HINT3: variants seen among roughly 807,000 people sequenced by gnomAD.
HINT3 encodes adenosine 5'-monophosphoramidase HINT3.
In HINT3, 16 loss-of-function variants were observed where a neutral mutation model predicts 19.1. The ratio of observed to expected loss-of-function variants is 0.84; its 90% CI spans 0.57 to 1.27. HINT3 has a LOEUF of 1.27. HINT3 is among the 50% of genes most tolerant of loss of function. The pLI, the probability that HINT3 is intolerant of heterozygous loss-of-function variation, is 0.00. For missense variants in HINT3, 197 were observed against 225.8 expected (o/e 0.87, Z 0.82); for synonymous variants, 75 against 84.8 (o/e 0.88, Z 0.63).
intron 1 of HINT3, among the ~76,000 whole-genome samples, chr6:125,959,881 G>A (rs140587317): frequency 1.1e-4 from 16 of 152,294 alleles, no homozygotes; most frequent in African/African-American, 3.1e-4. Context: ...GGATACAGCC[G>A]TAAACAAAAC....
intron 1 of HINT3, among the ~76,000 whole-genome samples, chr6:125,962,265 TATATACATAC>T (rs765895247): frequency 0.23 from 10,696 of 46,468 alleles, 1,955 homozygotes; most frequent in East Asian, 0.54. Flanking sequence ...CATATATATA[TATATACATAC>T]ATATATATAT....
At chr6:125,973,468 A>T (rs1310289555) in intron 3 of HINT3, among the ~76,000 whole-genome samples, 1 of 152,088 alleles carries the variant, frequency 6.6e-6, no homozygotes, top group Non-Finnish European at 1.5e-5. Flanking sequence ...TATAATGGAG[A>T]TTACTTCTAA....
In HINT3 at chr6:125,956,895, C is replaced by T. The variant is rs777616463; in HGVS notation, c.-83C>T. 2.2e-6 allele frequency: 3 copies of T among 1,378,060 alleles called. No individual in the cohort carries two copies. In the Middle Eastern group the frequency reaches 6.3e-4, roughly 288 times the overall value. 85.4% of individuals were successfully genotyped at this position (1,378,060 alleles called of 1,614,324 possible). On this transcript the variant is annotated 5_prime_UTR_variant, in exon 1 of 5. It adds an upstream start codon to the 5' untranslated region. Transcript: ENST00000229633. The stretch of plus-strand genomic sequence containing the variant: ...CGAGGGGCGACGTCTCGAGGTAAAA[C>T]GGAGGAGGTGCGGGACGCGGAGACT...
At chr6:125,958,570 T>C (rs1049755704) in intron 1 of HINT3, among the ~76,000 whole-genome samples, 1 of 152,186 alleles carries the variant, frequency 6.6e-6, no homozygotes, top group East Asian at 1.9e-4. Context: ...GAGAATGTGG[T>C]AGAGGAGATT....
intron 1 of HINT3, among the ~76,000 whole-genome samples, chr6:125,960,671 A>AGGGGG (rs1562211533): frequency 0.26 from 22,925 of 87,260 alleles, 5,527 homozygotes; most frequent in East Asian, 0.6. Context: ...GGGGGAAAAA[A>AGGGGG]AAAGAAGTTA....
chr6:125,979,675 A>C lies in HINT3; in HGVS notation c.*1999A>C, dbSNP rs973261908. 6.6e-6 allele frequency: 1 copy of C among 151,816 alleles called. No individual in the cohort carries two copies. The highest frequency in any genetic ancestry group is 2.4e-5 in the African/African-American group (1 of 41,274). 9.4% of individuals were successfully genotyped at this position (151,816 alleles called of 1,614,324 possible). ...AGGCTGAGGCAAGAGAATTGCTTGA[A>C]CTCGGGAGGCGGAGGTCGCAGTGAG... On this transcript the variant is annotated 3_prime_UTR_variant, in exon 5 of 5. Coordinates refer to ENST00000229633, the MANE Select transcript of HINT3 (RefSeq NM_138571.5).
At chr6:125,966,435 A>G (rs528544303) in intron 1 of HINT3, among the ~76,000 whole-genome samples, 2 of 152,332 alleles carry the variant, frequency 1.3e-5, no homozygotes, top group South Asian at 2.1e-4. Context: ...CTGGACATGT[A>G]AATGCTAGCT....
chr6:125,957,237 G>C, intron 1 of HINT3, 59 bp downstream of exon 1: 1 of 1,477,132 alleles, frequency 6.8e-7, no homozygotes, highest in Non-Finnish European at 9.1e-7. Context: ...CGGAGCTCCG[G>C]CAGGGAGGCC....
At chr6:125,977,490 G>T (rs986270152) in intron 4 of HINT3, among the ~76,000 whole-genome samples, 154 bp from the exon 5 acceptor site, 1 of 152,048 alleles carries the variant, frequency 6.6e-6, no homozygotes, top group East Asian at 1.9e-4. Context: ...ATTATATATA[G>T]ATATTATACT....
chr6:125,962,257 TATATATATATATACATAC>T (rs1583588336), intron 1 of HINT3, among the ~76,000 whole-genome samples: 1 of 21,318 alleles, frequency 4.7e-5, no homozygotes. Context: ...TATACACACA[TATATATATATATACATAC>T]ATATATATAT....
intron 1 of HINT3, among the ~76,000 whole-genome samples, chr6:125,962,159 T>TACACATATATATATATATATATAC (rs1788935327): frequency 1.8e-5 from 1 of 54,310 alleles, no homozygotes; most frequent in African/African-American, 1.4e-4. Context: ...CATATATATA[T>TACACATATATATATATATATATAC]ACACATATAT....
intron 1 of HINT3, among the ~76,000 whole-genome samples, chr6:125,963,876 A>G (rs1251721916): frequency 6.6e-6 from 1 of 152,240 alleles, no homozygotes; most frequent in Non-Finnish European, 1.5e-5. Flanking sequence ...TGCAAGGAGA[A>G]ACTGAAAGAT....
intron 1 of HINT3, among the ~76,000 whole-genome samples, chr6:125,962,802 G>C (rs1417589750): frequency 2.6e-5 from 4 of 151,954 alleles, no homozygotes; most frequent in Admixed American, 2.6e-4. Flanking sequence ...ACTCCCAAAG[G>C]GGTGAAAATT....
rs1789217098 is a variant in HINT3 at position 125,979,311 on chromosome 6, G to A, written c.*1635G>A. ...TCACTGTTTTATGATATAGTTCACTGAGCACTTACATAGATTAACAGTTAC... is the reference window on the plus strand; with the variant it reads ...TCACTGTTTTATGATATAGTTCACTAAGCACTTACATAGATTAACAGTTAC... On this transcript the variant is annotated 3_prime_UTR_variant, in exon 5 of 5. Coordinates refer to ENST00000229633, the MANE Select transcript of HINT3 (RefSeq NM_138571.5). 1 of 152,140 alleles carries A rather than the reference G, an allele frequency of 6.6e-6. No homozygotes were observed. The highest frequency in any genetic ancestry group is 1.5e-5 in the Non-Finnish European group (1 of 68,036). 9.4% of individuals were successfully genotyped at this position (152,140 alleles called of 1,614,324 possible).
chr6:125,958,487 G>C (rs1408092709), intron 1 of HINT3, among the ~76,000 whole-genome samples: 1 of 152,158 alleles, frequency 6.6e-6, no homozygotes, highest in East Asian at 1.9e-4. Flanking sequence ...ATGATTTGGA[G>C]GAGACCAGTC....
chr6:125,962,189 C>CATATATAT (rs371993982), intron 1 of HINT3, among the ~76,000 whole-genome samples: 7 of 64,328 alleles, frequency 1.1e-4, no homozygotes, highest in Non-Finnish European at 1.6e-4. Context: ...TATATATACA[C>CATATATAT]ATATATATAT....
Position 125,962,249 on chromosome 6 carries a change from TACAC to T in HINT3, c.202-4634_202-4631del, listed in dbSNP as rs374943908. Reference sequence around the variant, plus strand: ...ATATATATATACACATATATATATATACACACATATATATATATATACATACATA... The same window carrying T: ...ATATATATATACACATATATATATATACATATATATATATATACATACATA... On this transcript the variant is annotated intron_variant, in intron 1 of 4. Transcript: ENST00000229633. 4.8e-3 allele frequency among the ~76,000 whole-genome samples: 99 copies of T among 20,624 alleles called. 13 individuals carry two copies. The highest frequency in any genetic ancestry group is 0.026 in the African/African-American group (95 of 3,630). The allele number at this position is 20,624 out of a possible 152,430, so 13.5% of individuals were successfully genotyped here.
intron 2 of HINT3, among the ~76,000 whole-genome samples, chr6:125,967,970 T>A (rs1562213721): frequency 6.6e-6 from 1 of 152,236 alleles, no homozygotes; most frequent in African/African-American, 2.4e-5. Flanking sequence ...TTAAAAAAGA[T>A]AATTTTTTAT....
chr6:125,972,639 G>T (rs145365700), intron 3 of HINT3, among the ~76,000 whole-genome samples: 247 of 152,302 alleles, frequency 1.6e-3, no homozygotes, highest in Middle Eastern at 6.8e-3. Flanking sequence ...GCCCAGGCTA[G>T]AGTGCAGTGG....
Sources: gnomAD v4.1 joint callset for allele counts (sites outside exome capture counted in the v4.1 genomes callset) on GRCh38, gnomAD v4.1.1 for gene constraint, MANE v1.5 for transcripts, NCBI Gene and HGNC (gene_info 2026-07-23, HGNC 2026-07-21) for gene names.